The following HEATR5A variants were observed in gnomAD, a reference collection of about 807,000 sequenced individuals.
HEATR5A encodes the protein HEAT repeat containing 5A.
Under a neutral mutation model 218.8 loss-of-function variants are expected in HEATR5A, and 178 were observed. The observed-to-expected ratio is 0.81, with a 90% confidence interval of 0.72 to 0.92. The LOEUF (loss-of-function observed/expected upper bound fraction) is 0.92. Ranked by LOEUF, HEATR5A falls within the 40% of genes least tolerant of loss-of-function variation. The pLI is 0.00. For synonymous variants in HEATR5A, 864 were observed against 871.6 expected (o/e 0.99, Z 0.15); for missense variants, 2,420 against 2,418.9 (o/e 1.00, Z -0.01).
chr14:31,357,718 T>C (rs1215655047), intron 16 of HEATR5A, among the ~76,000 whole-genome samples: 1 of 152,340 alleles, frequency 6.6e-6, no homozygotes, highest in Non-Finnish European at 1.5e-5. Context: ...TCACATACAA[T>C]AGCATAAGAT....
chr14:31,316,509 G>T (rs1394303426), intron 26 of HEATR5A, among the ~76,000 whole-genome samples: 1 of 152,168 alleles, frequency 6.6e-6, no homozygotes, highest in Non-Finnish European at 1.5e-5. Flanking sequence ...CAGTGCTAAT[G>T]AGTATATAAA....
At chr14:31,402,807 A>G (rs1307925505) in intron 2 of HEATR5A, 43 bp downstream of exon 2, 5 of 1,529,238 alleles carry the variant, frequency 3.3e-6, no homozygotes, top group Non-Finnish European at 4.4e-6. Context: ...GGAAGTAAAC[A>G]TGGGCACTTA....
chr14:31,364,825 ATGCTCATTCATT>A (rs1901745189), intron 13 of HEATR5A, among the ~76,000 whole-genome samples: 1 of 152,096 alleles, frequency 6.6e-6, no homozygotes, highest in East Asian at 1.9e-4. Flanking sequence ...CACTTTACCA[ATGCTCATTCATT>A]TAACAAACAT....
chr14:31,352,397 G>C (rs1901263858), intron 16 of HEATR5A, among the ~76,000 whole-genome samples: 1 of 152,134 alleles, frequency 6.6e-6, no homozygotes, highest in South Asian at 2.1e-4. Flanking sequence ...GGCTGAACAT[G>C]AAAATATGGA....
intron 30 of HEATR5A, 44 bp from the exon 31 acceptor site, chr14:31,306,923 C>T (rs1459923248): frequency 2.1e-6 from 3 of 1,445,302 alleles, no homozygotes; most frequent in Admixed American, 2.4e-5. Flanking sequence ...AGAAATTATA[C>T]ATTTCTTTTG....
At chr14:31,327,985 G>A (rs1330546918) in intron 22 of HEATR5A, among the ~76,000 whole-genome samples, 3 of 152,078 alleles carry the variant, frequency 2.0e-5, no homozygotes, top group African/African-American at 4.8e-5. Context: ...ACAGAGTCTC[G>A]CTCTGTCGCC....
At position 31,334,517 on chromosome 14, in the gene HEATR5A, C is replaced by A. The variant is rs530898384; in HGVS notation, c.3367+2959G>T. The stretch of plus-strand genomic sequence containing the variant: ...GTGAATTTAGTTGATAAAGTGGTAG[C>A]AGGTTTGAGAGAACTGATTCTAGTT... On this transcript the variant is annotated intron_variant, in intron 22 of 35. Transcript: ENST00000543095. The A allele has an allele frequency of 1.8e-4, 81 of 447,386 alleles. 2 individuals are homozygous for A. Among genetic ancestry groups the A allele is most frequent in the South Asian group, 8.4e-4 (53 of 62,986 alleles). 27.7% of individuals were successfully genotyped at this position (447,386 alleles called of 1,614,324 possible).
At chr14:31,388,725 T>G in intron 7 of HEATR5A, 120 bp downstream of exon 7, 1 of 692,554 alleles carries the variant, frequency 1.4e-6, no homozygotes, top group Non-Finnish European at 2.4e-6. Context: ...TTATATCTAT[T>G]TATAGATATG....
At chr14:31,304,831 G>C (rs1337372019) in intron 32 of HEATR5A, 74 bp downstream of exon 32, 1 of 1,442,132 alleles carries the variant, frequency 6.9e-7, no homozygotes, top group Non-Finnish European at 9.5e-7. Flanking sequence ...AAAAAGATTA[G>C]CAACTAGACT....
chr14:31,390,534 G>C (rs192626242), intron 6 of HEATR5A, among the ~76,000 whole-genome samples: 149 of 152,240 alleles, frequency 9.8e-4, no homozygotes, highest in Middle Eastern at 3.4e-3. Context: ...GAAAAAAGCT[G>C]TAAGAATAGT....
At chr14:31,386,398 A>C in intron 9 of HEATR5A, 22 bp downstream of exon 9, 1 of 1,601,780 alleles carries the variant, frequency 6.2e-7, no homozygotes, top group Non-Finnish European at 8.5e-7. Flanking sequence ...AAGGTATTCC[A>C]ATGAGTCACA....
At chr14:31,329,658 A>G (rs1313093062) in intron 22 of HEATR5A, among the ~76,000 whole-genome samples, 2 of 152,112 alleles carry the variant, frequency 1.3e-5, no homozygotes, top group African/African-American at 2.4e-5. Context: ...TGGCTTTTTC[A>G]GGCGCACAGT....
rs1323755910 is a variant in HEATR5A at position 31,337,598 on chromosome 14, G to T, written c.3245C>A (p.Pro1082His). The change falls in exon 22 of 36, where the codon CCC (proline) becomes CAC (histidine). Residue 1082 changes from proline (P) to histidine (H), a missense_variant. Transcript: ENST00000543095. ...VSCLCVNLCSPYLLLRRAVLA... is the reference protein window; with the variant it reads ...VSCLCVNLCSHYLLLRRAVLA... ...TACTGCTCTTCTCAGTAACAAGTAGGGGCTACAAAGATTCACCTGAAAAAT... is the reference window on the plus strand; with the variant it reads ...TACTGCTCTTCTCAGTAACAAGTAGTGGCTACAAAGATTCACCTGAAAAAT... 4 of 1,600,646 alleles carry T rather than the reference G, an allele frequency of 2.5e-6. No individual in the cohort carries two copies. Among genetic ancestry groups the T allele is most frequent in the Non-Finnish European group, 3.4e-6 (4 of 1,173,666 alleles).
At chr14:31,348,049 T>A in intron 18 of HEATR5A, 142 bp from the exon 19 acceptor site, 1 of 477,538 alleles carries the variant, frequency 2.1e-6, no homozygotes, top group Non-Finnish European at 3.6e-6. Flanking sequence ...GGCTAACTAA[T>A]AAAAACTTCT....
intron 22 of HEATR5A, among the ~76,000 whole-genome samples, chr14:31,327,163 C>T (rs565507297): frequency 6.6e-5 from 10 of 151,354 alleles, no homozygotes; most frequent in Non-Finnish European, 8.8e-5. Context: ...TTAGTAGAGA[C>T]GGGGTTTCAC....
intron 21 of HEATR5A, chr14:31,340,415 CAA>C (rs746363266): frequency 7.9e-7 from 1 of 1,273,510 alleles, no homozygotes; most frequent in South Asian, 1.3e-5. Flanking sequence ...CCGCAAAACT[CAA>C]AAAAAGTTAG....
intron 1 of HEATR5A, among the ~76,000 whole-genome samples, chr14:31,415,989 C>T (rs900846982): frequency 2.6e-5 from 4 of 150,962 alleles, no homozygotes; most frequent in East Asian, 3.9e-4. Context: ...CTCAATCTGT[C>T]GCCCAGGCTG....
In HEATR5A at chr14:31,321,563, C is replaced by T. The variant is rs1371131709; in HGVS notation, c.3905G>A (p.Arg1302Gln). ...CTCTGGTTCTGGAACAGTTGCAAAT[C>T]GCCGAATAACAACTAACAGCATTTC... ...GLEMLLVVIRRFATVPEPEFP... is the reference protein window; with the variant it reads ...GLEMLLVVIRQFATVPEPEFP... Residue 1302 changes from arginine (R) to glutamine (Q), a missense_variant, in exon 25 of 36, where the codon CGA (arginine) becomes CAA (glutamine). Transcript: ENST00000543095. 11 of 1,606,198 alleles carry T rather than the reference C, an allele frequency of 6.8e-6. No homozygotes were observed. The highest frequency in any genetic ancestry group is 1.6e-4 in the Middle Eastern group (1 of 6,072).
intron 1 of HEATR5A, among the ~76,000 whole-genome samples, chr14:31,406,029 C>G (rs1029689727): frequency 6.6e-6 from 1 of 152,104 alleles, no homozygotes; most frequent in Admixed American, 6.6e-5. Flanking sequence ...TAAAATGCAC[C>G]TGAGAGCTCC....
Sources: allele counts gnomAD v4.1 joint callset (sites outside exome capture counted in the v4.1 genomes callset), GRCh38; gene constraint gnomAD v4.1.1; transcripts MANE v1.5; gene names NCBI Gene and HGNC (gene_info 2026-07-23, HGNC 2026-07-21).